ANTXR1: variants seen among roughly 807,000 people sequenced by gnomAD.
ANTXR1 encodes anthrax toxin receptor 1.
In ANTXR1, 19 loss-of-function variants were observed where a neutral mutation model predicts 78.1. The observed-to-expected ratio is 0.24, with a 90% CI of 0.17 to 0.36. The LOEUF (loss-of-function observed/expected upper bound fraction) is 0.36, where lower values mean the gene tolerates loss of function less well. Among genes scored for constraint, ANTXR1 ranks in the 10% least tolerant of loss-of-function variants. ANTXR1 has a pLI of 1.00. For synonymous variants in ANTXR1, 273 were observed against 260.5 expected (o/e 1.05, Z -0.46); for missense variants, 518 against 718.6 (o/e 0.72, Z 3.19).
intron 17 of ANTXR1, among the ~76,000 whole-genome samples, chr2:69,209,177 T>C (rs1351502899): frequency 6.6e-6 from 1 of 152,368 alleles, no homozygotes; most frequent in Non-Finnish European, 1.5e-5. Context: ...TGTACATTTA[T>C]TGGATTATCT....
chr2:69,032,709 A>G (rs764059274), intron 1 of ANTXR1, among the ~76,000 whole-genome samples: 29 of 152,270 alleles, frequency 1.9e-4, no homozygotes, highest in Admixed American at 5.2e-4. Flanking sequence ...AAAAGTACCA[A>G]TAGTTGATAT....
intron 12 of ANTXR1, among the ~76,000 whole-genome samples, chr2:69,146,820 T>C (rs1178347145): frequency 1.3e-5 from 2 of 152,256 alleles, no homozygotes; most frequent in South Asian, 4.1e-4. Flanking sequence ...ATGGTCCCAC[T>C]TAGTTCCAGA....
chr2:69,215,731 T>C (rs190265714), intron 17 of ANTXR1, among the ~76,000 whole-genome samples: 1 of 152,304 alleles, frequency 6.6e-6, no homozygotes, highest in Non-Finnish European at 1.5e-5. Context: ...TAAAAGTGGC[T>C]TTGAAAAAAA....
intron 3 of ANTXR1, among the ~76,000 whole-genome samples, chr2:69,070,024 GC>G (rs1670520141): frequency 6.6e-6 from 1 of 152,086 alleles, no homozygotes; most frequent in South Asian, 2.1e-4. Context: ...ATTCCATTTG[GC>G]CCCCAAGTCA....
At chr2:69,158,793 A>G (rs1307090829) in intron 13 of ANTXR1, among the ~76,000 whole-genome samples, 7 of 152,216 alleles carry the variant, frequency 4.6e-5, no homozygotes, top group African/African-American at 1.7e-4. Flanking sequence ...CATGACGTTC[A>G]CTAGGTTAGC....
intron 13 of ANTXR1, among the ~76,000 whole-genome samples, chr2:69,161,519 G>A (rs1329966168): frequency 6.6e-6 from 1 of 152,086 alleles, no homozygotes; most frequent in Non-Finnish European, 1.5e-5. Context: ...GCAGTCCTTG[G>A]CCAGCATTAA....
chr2:69,189,597 A>G (rs368944248), intron 16 of ANTXR1, among the ~76,000 whole-genome samples: 2 of 152,362 alleles, frequency 1.3e-5, no homozygotes, highest in African/African-American at 4.8e-5. Context: ...AATGAGTGAC[A>G]GATGATGAGG....
chr2:69,111,707 G>A (rs951439850), intron 10 of ANTXR1, among the ~76,000 whole-genome samples: 2 of 152,230 alleles, frequency 1.3e-5, no homozygotes, highest in African/African-American at 4.8e-5. Context: ...GGTCAGGAAG[G>A]CAGTTCTAGG....
At chr2:69,127,431 G>A (rs1360973217) in intron 12 of ANTXR1, among the ~76,000 whole-genome samples, 3 of 152,008 alleles carry the variant, frequency 2.0e-5, no homozygotes, top group East Asian at 2.0e-4. Context: ...GCATCTCCAC[G>A]CCTGCTGCTG....
At position 69,054,397 on chromosome 2, in the gene ANTXR1, C is replaced by G. The variant is rs151128763; in HGVS notation, c.296+9584C>G. 4.3e-3 allele frequency among the ~76,000 whole-genome samples: 660 copies of G among 152,282 alleles called. 2 individuals are homozygous for G. Among genetic ancestry groups the G allele is most frequent in the African/African-American group, 0.015 (623 of 41,548 alleles). On this transcript the variant is annotated intron_variant, in intron 3 of 17. Coordinates refer to ENST00000303714, the MANE Select transcript of ANTXR1 (RefSeq NM_032208.3). ...CTGACATCTTTAAGAAAACAGTTCC[C>G]CGAGGCAGCCTATGCCCGCTATACA...
Position 69,096,379 on chromosome 2 carries a change from GGGAA to G in ANTXR1, c.703+5485_703+5488del, listed in dbSNP as rs1185602736. ...GAGGAAGGGAGGAAGGGAGGAAGGA[GGGAA>G]GGAAGGAAGGAAGGAAGGAAGGAAA... On this transcript the variant is annotated intron_variant, in intron 9 of 17. Coordinates refer to ENST00000303714, the MANE Select transcript of ANTXR1 (RefSeq NM_032208.3). Among the ~76,000 whole-genome samples, 6 of 73,074 alleles carry G rather than the reference GGGAA, an allele frequency of 8.2e-5. 1 individual carries two copies. The highest frequency in any genetic ancestry group is 1.6e-4 in the Admixed American group (1 of 6,354). The allele number at this position is 73,074 out of a possible 152,430, so 47.9% of individuals were successfully genotyped here.
At position 69,013,476 on chromosome 2, in the gene ANTXR1, C is replaced by T. The variant is rs976174477; in HGVS notation, c.-24C>T. ...TCGCGGAGCGTGGGAAGGAGCGGAC[C>T]CTGCTCTCCCCGGGCTGCGGGCCAT... On this transcript the variant is annotated 5_prime_UTR_variant, in exon 1 of 18. Transcript: ENST00000303714. This position sits in a 1 kb window ranked among gnomAD's most constrained non-coding sequence, Gnocchi z 5.0. 3.2e-6 allele frequency: 5 copies of T among 1,584,334 alleles called. No individual in the cohort carries two copies. The African/African-American group carries it at 6.7e-5, about 21-fold the overall frequency.
rs186470484 is a variant in ANTXR1, at chr2:69,016,494, G to A, written c.152+2843G>A. Among the ~76,000 whole-genome samples, 8 of 152,286 alleles carry A rather than the reference G, an allele frequency of 5.3e-5. No individual in the cohort carries two copies. In the East Asian group the frequency reaches 1.5e-3, roughly 29 times the overall value. ...GGATTACATGTGTCTAACAGCAGTG[G>A]ATTTACTAAGGTATGATATGTGTAT... On this transcript the variant is annotated intron_variant, in intron 1 of 17. Coordinates refer to ENST00000303714, the MANE Select transcript of ANTXR1 (RefSeq NM_032208.3).
chr2:69,035,988 C>T (rs4318420), intron 1 of ANTXR1, among the ~76,000 whole-genome samples: 31,599 of 152,054 alleles, frequency 0.21, 7,003 homozygotes, highest in African/African-American at 0.54. Flanking sequence ...TTTAAGAAAG[C>T]TGGAAGTATG....
intron 1 of ANTXR1, among the ~76,000 whole-genome samples, chr2:69,027,098 G>T (rs536389090): frequency 6.6e-6 from 1 of 152,176 alleles, no homozygotes. Context: ...GTTTGCAGTC[G>T]AGTGGGGACC....
intron 12 of ANTXR1, among the ~76,000 whole-genome samples, chr2:69,129,267 T>A (rs953967297): frequency 5.9e-5 from 9 of 152,172 alleles, no homozygotes; most frequent in African/African-American, 1.9e-4. Flanking sequence ...GCAAGCAAAT[T>A]TTAGAAACAT....
At position 69,013,480 on chromosome 2, in the gene ANTXR1, C is replaced by T. The variant is rs776362123; in HGVS notation, c.-20C>T. 1.3e-6 allele frequency: 2 copies of T among 1,585,510 alleles called. No homozygotes were observed. Among genetic ancestry groups the T allele is most frequent in the Non-Finnish European group, 1.7e-6 (2 of 1,168,294 alleles). ...GGAGCGTGGGAAGGAGCGGACCCTG[C>T]TCTCCCCGGGCTGCGGGCCATGGCC... On this transcript the variant is annotated 5_prime_UTR_variant, in exon 1 of 18. Coordinates refer to ENST00000303714, the MANE Select transcript of ANTXR1 (RefSeq NM_032208.3). This position sits in a 1 kb window ranked among gnomAD's most constrained non-coding sequence, Gnocchi z 5.0.
At chr2:69,177,592 G>C (rs1165156532) in intron 14 of ANTXR1, among the ~76,000 whole-genome samples, 1 of 152,134 alleles carries the variant, frequency 6.6e-6, no homozygotes, top group East Asian at 1.9e-4. Flanking sequence ...AACTTCCCTT[G>C]ATGGGAAACC....
intron 17 of ANTXR1, among the ~76,000 whole-genome samples, chr2:69,200,599 C>CT (rs1674752879): frequency 6.6e-6 from 1 of 151,958 alleles, no homozygotes; most frequent in Non-Finnish European, 1.5e-5. Flanking sequence ...TCCTTTTTTT[C>CT]TTTTCCCTGT....
Sources: allele counts gnomAD v4.1 joint callset (sites outside exome capture counted in the v4.1 genomes callset), GRCh38; gene constraint gnomAD v4.1.1; non-coding constraint Gnocchi (gnomAD v3.1); transcripts MANE v1.5; gene names NCBI Gene and HGNC (gene_info 2026-07-23, HGNC 2026-07-21).